The following JAM3 variants were observed in gnomAD, a reference collection of about 807,000 sequenced individuals.
JAM3 encodes the protein junctional adhesion molecule 3.
A neutral mutation model predicts 39.4 loss-of-function variants in JAM3; 31 were observed. The observed-to-expected ratio is 0.79, with a 90% confidence interval of 0.59 to 1.06. JAM3 has a LOEUF of 1.06. JAM3 is among the 50% of genes least tolerant of loss of function. The pLI is 0.00. For missense variants in JAM3, 455 were observed against 391.4 expected (o/e 1.16, Z -1.37); for synonymous variants, 182 against 148.7 (o/e 1.22, Z -1.63).
chr11:134,115,660 T>G (rs1942414888), intron 1 of JAM3, among the ~76,000 whole-genome samples: 1 of 151,994 alleles, frequency 6.6e-6, no homozygotes, highest in Non-Finnish European at 1.5e-5. Flanking sequence ...CCAGCACTTT[T>G]GGAGAATGAG....
chr11:134,115,113 C>T (rs1039639268), intron 1 of JAM3, among the ~76,000 whole-genome samples: 10 of 152,070 alleles, frequency 6.6e-5, no homozygotes, highest in Admixed American at 2.0e-4. Flanking sequence ...TATGAAATGA[C>T]TTCCTTTATC....
intron 4 of JAM3, 113 bp from the exon 5 acceptor site, chr11:134,144,679 G>A: frequency 2.0e-6 from 2 of 981,574 alleles, no homozygotes; most frequent in Non-Finnish European, 3.2e-6. Context: ...AACAGCAGTG[G>A]CGTGGGAACC....
chr11:134,111,625 T>A (rs1321681356), intron 1 of JAM3, among the ~76,000 whole-genome samples: 2 of 152,174 alleles, frequency 1.3e-5, no homozygotes, highest in Middle Eastern at 3.2e-3. Context: ...TGGCCCTGTT[T>A]TTGAAATTCT....
intron 1 of JAM3, among the ~76,000 whole-genome samples, chr11:134,107,677 A>G (rs1482975756): frequency 1.3e-5 from 2 of 152,116 alleles, no homozygotes. Flanking sequence ...AGCCTGGGCA[A>G]CATAGCAAGT....
chr11:134,103,391 C>T (rs565204144), intron 1 of JAM3, among the ~76,000 whole-genome samples: 1 of 152,126 alleles, frequency 6.6e-6, no homozygotes, highest in Admixed American at 6.5e-5. Flanking sequence ...ACAACCAGTA[C>T]CAGCCACTGC....
intron 1 of JAM3, among the ~76,000 whole-genome samples, chr11:134,080,323 T>A (rs1941644039): frequency 6.6e-6 from 1 of 152,248 alleles, no homozygotes; most frequent in Admixed American, 6.5e-5. Context: ...AGGTTTTGAC[T>A]ACTTCATAGG....
intron 1 of JAM3, among the ~76,000 whole-genome samples, chr11:134,105,676 C>G (rs1206939318): frequency 6.6e-6 from 1 of 151,382 alleles, no homozygotes; most frequent in Non-Finnish European, 1.5e-5. Flanking sequence ...AAATCAATGT[C>G]CAGACATCAC....
intron 1 of JAM3, among the ~76,000 whole-genome samples, chr11:134,099,041 A>G (rs1049917660): frequency 1.3e-5 from 2 of 151,986 alleles, no homozygotes; most frequent in African/African-American, 4.8e-5. Context: ...CTCTGCAAAA[A>G]ATACAAAAAT....
At position 134,144,774 on chromosome 11, in the gene JAM3, A is replaced by AT; in HGVS notation, c.410-18_410-17insT. 6.6e-7 allele frequency: 1 copy of AT among 1,514,060 alleles called. No homozygotes were observed. The highest frequency in any genetic ancestry group is 2.1e-5 in the African/African-American group (1 of 47,078). The allele number at this position is 1,514,060 out of a possible 1,614,324, so 93.8% of individuals were successfully genotyped here. On this transcript the variant is annotated splice_polypyrimidine_tract_variant and intron_variant, in intron 4 of 8. Transcript: ENST00000299106. ...CCCTGTCACTGAGATCTTAAACACC[A>AT]CCCCTTTTTCCCCACAGTGAAGCCA...
At chr11:134,105,275 C>G (rs1421686552) in intron 1 of JAM3, among the ~76,000 whole-genome samples, 1 of 152,130 alleles carries the variant, frequency 6.6e-6, no homozygotes, top group Non-Finnish European at 1.5e-5. Flanking sequence ...TCAATAGATG[C>G]AGAAAAGGCC....
chr11:134,070,933 A>G (rs1591764681), intron 1 of JAM3, among the ~76,000 whole-genome samples: 1 of 152,184 alleles, frequency 6.6e-6, no homozygotes, highest in African/African-American at 2.4e-5. Flanking sequence ...TCTAATGACA[A>G]ATAATCGAGG....
intron 1 of JAM3, among the ~76,000 whole-genome samples, chr11:134,109,339 A>T (rs1942265672): frequency 6.6e-6 from 1 of 152,236 alleles, no homozygotes; most frequent in South Asian, 2.1e-4. Context: ...AACTTAAAAA[A>T]AATTAGGAAG....
rs894315441 is a variant in JAM3, at chr11:134,140,696, G to A, written c.182G>A (p.Ser61Asn). The stretch of plus-strand genomic sequence containing the variant: ...TGCATCATTACGGATTCGCAGACAA[G>A]TGACCCCAGGATCGAGTGGAAGAAA... ...LSCIITDSQT[S>N]DPRIEWKKIQ... The change falls in exon 3 of 9, where the codon AGT (serine) becomes AAT (asparagine). Residue 61 changes from serine (S) to asparagine (N), a missense_variant. Transcript: ENST00000299106. 6.2e-6 allele frequency: 10 copies of A among 1,613,596 alleles called. No homozygotes were observed. In the African/African-American group the frequency reaches 1.1e-4, roughly 17 times the overall value.
At chr11:134,095,257 C>G (rs556150246) in intron 1 of JAM3, among the ~76,000 whole-genome samples, 1 of 152,120 alleles carries the variant, frequency 6.6e-6, no homozygotes, top group African/African-American at 2.4e-5. Context: ...GGAATACCTT[C>G]TAAAGATCTG....
intron 1 of JAM3, among the ~76,000 whole-genome samples, chr11:134,071,713 A>C (rs1271434216): frequency 6.6e-6 from 1 of 152,176 alleles, no homozygotes; most frequent in Non-Finnish European, 1.5e-5. Flanking sequence ...AAAAATGTTT[A>C]ATTCTTTTAT....
Position 134,148,531 on chromosome 11 carries a change from ACCT to A in JAM3, c.713-12_713-10del, listed in dbSNP as rs1407746957. The A allele has an allele frequency of 1.2e-6, 2 of 1,611,694 alleles. No individual in the cohort carries two copies. The highest frequency in any genetic ancestry group is 1.7e-6 in the Non-Finnish European group (2 of 1,179,584). ...TAGTGTGTATCATGGCTTCCACCAAACCTCCTTTTCTTCAGATGACCTGAACAT... is the reference window on the plus strand; with the variant it reads ...TAGTGTGTATCATGGCTTCCACCAAACCTTTTCTTCAGATGACCTGAACAT... On this transcript the variant is annotated splice_polypyrimidine_tract_variant and intron_variant, in intron 6 of 8. Coordinates refer to ENST00000299106, the MANE Select transcript of JAM3 (RefSeq NM_032801.5).
At chr11:134,140,499 C>CA (rs1942954882) in intron 2 of JAM3, among the ~76,000 whole-genome samples, 158 bp from the exon 3 acceptor site, 1 of 151,966 alleles carries the variant, frequency 6.6e-6, no homozygotes, top group African/African-American at 2.4e-5. Flanking sequence ...GTTTTTCTGG[C>CA]AAAAAATCCT....
intron 1 of JAM3, among the ~76,000 whole-genome samples, chr11:134,070,663 C>T (rs988008917): frequency 6.6e-6 from 1 of 152,236 alleles, no homozygotes; most frequent in Admixed American, 6.5e-5. Flanking sequence ...TATTCACAGC[C>T]TGGAACAACT....
At position 134,093,077 on chromosome 11, in the gene JAM3, C is replaced by A. The variant is rs980429953; in HGVS notation, c.76+23918C>A. 8.4e-5 allele frequency among the ~76,000 whole-genome samples: 10 copies of A among 118,774 alleles called. 1 individual carries two copies. Among genetic ancestry groups the A allele is most frequent in the African/African-American group, 3.3e-4 (10 of 30,350 alleles). The allele number at this position is 118,774 out of a possible 152,430, so 77.9% of individuals were successfully genotyped here. On this transcript the variant is annotated intron_variant, in intron 1 of 8. Transcript: ENST00000299106. ...ATCATGTTCCACCTTACATCTTATT[C>A]GTCATGTTCCATCTTACATGTCACT... is the stretch of plus-strand genomic sequence containing the variant.
Sources: allele counts gnomAD v4.1 joint callset (sites outside exome capture counted in the v4.1 genomes callset), GRCh38; gene constraint gnomAD v4.1.1; transcripts MANE v1.5; gene names NCBI Gene and HGNC (gene_info 2026-07-23, HGNC 2026-07-21).